Variants in NAALADL2 observed in about 807,000 individuals in gnomAD.
The protein encoded by NAALADL2 is N-acetylated alpha-linked acidic dipeptidase like 2.
Under a neutral mutation model 87.2 loss-of-function variants are expected in NAALADL2, and 76 were observed. The observed-to-expected ratio is 0.87, with a 90% CI of 0.72 to 1.05. The LOEUF (loss-of-function observed/expected upper bound fraction) is 1.05. Among genes scored for constraint, NAALADL2 ranks in the 50% least tolerant of loss-of-function variants. The probability of loss-of-function intolerance (pLI) is 0.00; values close to 1 mark genes in which losing one functional copy is unlikely to be tolerated. For missense variants in NAALADL2, 1,089 were observed against 945.8 expected, an observed-to-expected ratio of 1.15 and a Z score of -1.99; for synonymous variants, 354 against 331.0, an observed-to-expected ratio of 1.07 and a Z score of -0.75.
chr3:174,510,097 T>C (rs1719501922), intron 1 of NAALADL2, among the ~76,000 whole-genome samples: 1 of 152,166 alleles, frequency 6.6e-6, no homozygotes, highest in South Asian at 2.1e-4. Context: ...AGTCATGTTT[T>C]ATTATGTGTT....
intron 11 of NAALADL2, among the ~76,000 whole-genome samples, chr3:175,659,219 A>G (rs1731925165): frequency 6.6e-6 from 1 of 152,192 alleles, no homozygotes; most frequent in African/African-American, 2.4e-5. Context: ...GATGTTTATT[A>G]CCTAAGCCTT....
At position 175,111,536 on chromosome 3, in the gene NAALADL2, G is replaced by A. The variant is rs962536874; in HGVS notation, c.545+14245G>A. ...AATGGTAACCTAGATATCAACTTAC[G>A]ATCTTTTTCAGATAGCTACTGACAT... On this transcript the variant is annotated intron_variant, in intron 2 of 13. Transcript: ENST00000454872. Among the ~76,000 whole-genome samples the A allele has an allele frequency of 4.6e-5, 7 of 151,762 alleles. No individual in the cohort carries two copies. In the South Asian group the frequency reaches 1.2e-3, roughly 27 times the overall value.
chr3:174,814,342 C>A (rs1334624231), intron 3 of NAALADL2, among the ~76,000 whole-genome samples: 2 of 151,956 alleles, frequency 1.3e-5, no homozygotes, highest in African/African-American at 4.8e-5. Context: ...CTCCTGACCT[C>A]GTGATCCGCC....
chr3:174,482,295 G>A (rs1368284733), intron 1 of NAALADL2, among the ~76,000 whole-genome samples: 2 of 151,952 alleles, frequency 1.3e-5, no homozygotes, highest in Non-Finnish European at 2.9e-5. Context: ...ACTGCAGAAA[G>A]GCCCAGCAAG....
chr3:175,322,071 T>G lies in NAALADL2; in HGVS notation c.940-2104T>G, dbSNP rs1003121176. Among the ~76,000 whole-genome samples, 17 of 151,150 alleles carry G rather than the reference T, an allele frequency of 1.1e-4. No homozygotes were observed. In the South Asian group the frequency reaches 1.3e-3, roughly 11 times the overall value. ...AAGAACAAAGCTGGAGGCATCACGC[T>G]ACCTGACCTCAAACTATACTACAAG... On this transcript the variant is annotated intron_variant, in intron 4 of 13. Transcript: ENST00000454872.
chr3:175,222,316 T>G (rs1006243837), intron 2 of NAALADL2, among the ~76,000 whole-genome samples: 6 of 152,202 alleles, frequency 3.9e-5, no homozygotes, highest in African/African-American at 1.4e-4. Flanking sequence ...AGCCTTCTAT[T>G]TGTGCTTTCA....
At chr3:175,076,900 G>A (rs1716708683) in intron 1 of NAALADL2, among the ~76,000 whole-genome samples, 1 of 152,164 alleles carries the variant, frequency 6.6e-6, no homozygotes, top group Non-Finnish European at 1.5e-5. Flanking sequence ...TGTGTGTGCA[G>A]TTTTGTAGTT....
At chr3:175,051,609 G>A (rs893677603) in intron 1 of NAALADL2, among the ~76,000 whole-genome samples, 5 of 152,166 alleles carry the variant, frequency 3.3e-5, no homozygotes, top group Non-Finnish European at 7.3e-5. Flanking sequence ...CTAAGGCAGA[G>A]GTTTAGATAA....
At chr3:174,574,815 T>G (rs1448973103) in intron 2 of NAALADL2, among the ~76,000 whole-genome samples, 20 of 152,062 alleles carry the variant, frequency 1.3e-4, no homozygotes, top group Admixed American at 6.6e-5. Flanking sequence ...TCAGTGTAAT[T>G]TTTTTTGAGA....
intron 1 of NAALADL2, among the ~76,000 whole-genome samples, chr3:174,501,710 A>G (rs943295230): frequency 5.9e-5 from 9 of 152,010 alleles, no homozygotes; most frequent in Non-Finnish European, 1.5e-5. Context: ...TATTCTCTTA[A>G]TATTATAATA....
At chr3:175,333,609 TAA>T (rs1266810961) in intron 5 of NAALADL2, among the ~76,000 whole-genome samples, 1 of 152,088 alleles carries the variant, frequency 6.6e-6, no homozygotes, top group Non-Finnish European at 1.5e-5. Context: ...ATGTAGGAGC[TAA>T]AAAATTAGTT....
In NAALADL2 at chr3:175,023,594, C is replaced by T. The variant is rs1252154607; in HGVS notation, c.44-73196C>T. On this transcript the variant is annotated intron_variant, in intron 1 of 13. Transcript: ENST00000454872. ...GGCTATGAAAAAAATTCTAGAAATACTTTAAACCTTACCATACAGAGATAC... is the reference window on the plus strand; with the variant it reads ...GGCTATGAAAAAAATTCTAGAAATATTTTAAACCTTACCATACAGAGATAC... 2.0e-5 allele frequency among the ~76,000 whole-genome samples: 3 copies of T among 152,012 alleles called. No homozygotes were observed. The East Asian group carries it at 5.8e-4, about 29-fold the overall frequency.
intron 2 of NAALADL2, among the ~76,000 whole-genome samples, chr3:175,143,551 C>CAAAAAAAAAAAAAAAAA: frequency 8.8e-6 from 1 of 113,408 alleles, no homozygotes; most frequent in Non-Finnish European, 1.8e-5. Flanking sequence ...CAATGTTAGC[C>CAAAAAAAAAAAAAAAAA]AAAAAAAAAA....
intron 2 of NAALADL2, among the ~76,000 whole-genome samples, chr3:174,724,980 C>CA (rs1000454867): frequency 4.6e-5 from 7 of 152,080 alleles, no homozygotes; most frequent in African/African-American, 1.4e-4. Flanking sequence ...CCTGACTTTT[C>CA]AAAAAAATCT....
intron 11 of NAALADL2, among the ~76,000 whole-genome samples, chr3:175,657,365 G>A (rs1361549904): frequency 1.3e-5 from 2 of 152,002 alleles, no homozygotes; most frequent in African/African-American, 4.8e-5. Context: ...ATAAGTATCA[G>A]GGACATTAAA....
chr3:174,703,754 G>A (rs535892381), intron 2 of NAALADL2, among the ~76,000 whole-genome samples: 1 of 152,210 alleles, frequency 6.6e-6, no homozygotes, highest in Admixed American at 6.5e-5. Flanking sequence ...ACAGGGGACC[G>A]AGTTTCCCAC....
intron 9 of NAALADL2, among the ~76,000 whole-genome samples, chr3:175,494,188 A>G (rs147569447): frequency 6.6e-5 from 10 of 152,180 alleles, no homozygotes; most frequent in African/African-American, 2.4e-4. Flanking sequence ...CTATATATAA[A>G]CAACCTGATT....
chr3:174,764,314 T>G lies in NAALADL2; in HGVS notation c.-9+26568T>G, dbSNP rs150343346. Among the ~76,000 whole-genome samples, 976 of 152,292 alleles carry G rather than the reference T, an allele frequency of 6.4e-3. 5 individuals are homozygous for G. Among genetic ancestry groups the G allele is most frequent in the Admixed American group, 0.01 (156 of 15,298 alleles). ...TTGTGTACCAAATGTACAATTCCCTTTCTTGGGACTTAAACAGCAAAAGGT... is the reference window on the plus strand; with the variant it reads ...TTGTGTACCAAATGTACAATTCCCTGTCTTGGGACTTAAACAGCAAAAGGT... On this transcript the variant is annotated intron_variant, in intron 3 of 3. Coordinates refer to the NAALADL2 transcript ENST00000434257.
intron 5 of NAALADL2, among the ~76,000 whole-genome samples, chr3:175,396,686 C>A (rs955523618): frequency 6.6e-6 from 1 of 152,036 alleles, no homozygotes; most frequent in Non-Finnish European, 1.5e-5. Flanking sequence ...CATAAACCCA[C>A]GTGTTGTGGG....
Sources: gnomAD v4.1 joint callset for allele counts (sites outside exome capture counted in the v4.1 genomes callset) on GRCh38, gnomAD v4.1.1 for gene constraint, MANE v1.5 for transcripts, NCBI Gene and HGNC (gene_info 2026-07-23, HGNC 2026-07-21) for gene names.